Variants in PRKG1 observed in about 807,000 individuals in gnomAD.
The protein encoded by PRKG1 is protein kinase cGMP-dependent 1.
Under a neutral mutation model 88.1 loss-of-function variants are expected in PRKG1, and 35 were observed. The observed-to-expected ratio is 0.40, with a 90% CI of 0.30 to 0.53. PRKG1 has a LOEUF of 0.53. Ranked by LOEUF, PRKG1 falls within the 20% of genes least tolerant of loss-of-function variation. The probability of loss-of-function intolerance (pLI) is 0.59; values close to 1 mark genes in which losing one functional copy is unlikely to be tolerated. For missense variants in PRKG1, 540 were observed against 839.8 expected (o/e 0.64, Z 4.41); for synonymous variants, 303 against 292.5 (o/e 1.04, Z -0.37).
chr10:51,823,040 A>G (rs1839789726), intron 4 of PRKG1, among the ~76,000 whole-genome samples: 2 of 152,060 alleles, frequency 1.3e-5, no homozygotes, highest in South Asian at 4.2e-4. Flanking sequence ...ACAAGGTTAC[A>G]GTGGAGTTTT....
intron 5 of PRKG1, among the ~76,000 whole-genome samples, chr10:51,965,431 A>C (rs912567069): frequency 1.3e-5 from 2 of 152,190 alleles, no homozygotes; most frequent in Non-Finnish European, 2.9e-5. Context: ...TCTTATGGAA[A>C]GCTCAAATTG....
At chr10:51,328,302 A>G (rs543352348) in intron 2 of PRKG1, among the ~76,000 whole-genome samples, 31 of 152,208 alleles carry the variant, frequency 2.0e-4, no homozygotes, top group Middle Eastern at 3.2e-3. Context: ...CTCAAGTGAC[A>G]AGATTTCCTT....
chr10:52,064,562 G>C (rs1846312201), intron 7 of PRKG1, among the ~76,000 whole-genome samples: 1 of 152,200 alleles, frequency 6.6e-6, no homozygotes, highest in Non-Finnish European at 1.5e-5. Flanking sequence ...GGCAGCTGTA[G>C]CTGCACCGGG....
intron 3 of PRKG1, among the ~76,000 whole-genome samples, chr10:51,470,875 A>C (rs1564512336): frequency 2.0e-5 from 3 of 151,934 alleles, no homozygotes; most frequent in African/African-American, 7.2e-5. Flanking sequence ...CTGGGAAAAA[A>C]TAAATTGGCA....
intron 4 of PRKG1, among the ~76,000 whole-genome samples, chr10:51,842,939 T>TA (rs1470731833): frequency 6.6e-6 from 1 of 152,006 alleles, no homozygotes; most frequent in East Asian, 1.9e-4. Flanking sequence ...TCTATTTTCA[T>TA]AAAAAAATAG....
chr10:51,433,620 C>T (rs1283666649), intron 2 of PRKG1, among the ~76,000 whole-genome samples: 1 of 139,694 alleles, frequency 7.2e-6, no homozygotes, highest in Non-Finnish European at 1.6e-5. Flanking sequence ...TACTAGACAC[C>T]AGCAATAGGG....
At chr10:51,056,382 TC>T (rs56249519) in intron 1 of PRKG1, among the ~76,000 whole-genome samples, 115,008 of 152,096 alleles carry the variant, frequency 0.76, 44,509 homozygotes, top group Non-Finnish European at 0.84. Context: ...GAGCTTGATC[TC>T]CCTTTACTGT....
At chr10:51,119,550 C>T (rs1294893431) in intron 1 of PRKG1, among the ~76,000 whole-genome samples, 1 of 151,818 alleles carries the variant, frequency 6.6e-6, no homozygotes, top group East Asian at 1.9e-4. Context: ...AAATTTTTGG[C>T]AAAACAAAAA....
chr10:51,627,896 TTCCTTCC>T (rs1839380587), intron 3 of PRKG1, among the ~76,000 whole-genome samples: 1 of 139,032 alleles, frequency 7.2e-6, no homozygotes, highest in African/African-American at 2.6e-5. Flanking sequence ...CTTCCTTCCC[TTCCTTCC>T]CTTCCTTCCC....
intron 3 of PRKG1, among the ~76,000 whole-genome samples, chr10:51,750,869 T>C (rs1011140768): frequency 3.3e-5 from 5 of 150,308 alleles, no homozygotes; most frequent in Non-Finnish European, 5.9e-5. Context: ...ATATTTTCAA[T>C]TGCTGCTTTT....
At chr10:51,972,304 A>T (rs183184264) in intron 5 of PRKG1, among the ~76,000 whole-genome samples, 107 of 152,306 alleles carry the variant, frequency 7.0e-4, no homozygotes, top group African/African-American at 2.5e-3. Context: ...AATATGCAAT[A>T]ATTAACTTAA....
At chr10:51,841,676 T>TTTATCTC (rs1840278765) in intron 4 of PRKG1, among the ~76,000 whole-genome samples, 1 of 151,944 alleles carries the variant, frequency 6.6e-6, no homozygotes, top group Non-Finnish European at 1.5e-5. Flanking sequence ...CAAAATATGG[T>TTTATCTC]TTTTATGTGT....
At chr10:51,837,104 G>C (rs1049442532) in intron 4 of PRKG1, among the ~76,000 whole-genome samples, 2 of 152,092 alleles carry the variant, frequency 1.3e-5, no homozygotes, top group Non-Finnish European at 2.9e-5. Flanking sequence ...TTGAGGCTTG[G>C]GGCCTAACTG....
chr10:51,370,677 CT>C (rs1842686636), intron 2 of PRKG1, among the ~76,000 whole-genome samples: 1 of 151,726 alleles, frequency 6.6e-6, no homozygotes, highest in Non-Finnish European at 1.5e-5. Flanking sequence ...AAAAATAAAT[CT>C]AAAAAAAGGT....
chr10:51,580,680 C>T (rs971597433), intron 3 of PRKG1, among the ~76,000 whole-genome samples: 2 of 151,652 alleles, frequency 1.3e-5, no homozygotes, highest in South Asian at 4.2e-4. Flanking sequence ...ATTTGAGGGG[C>T]AGCTATTTTT....
chr10:52,109,772 T>TAAAAAAAGATGAAAC (rs1847513125), intron 7 of PRKG1, among the ~76,000 whole-genome samples: 11 of 150,080 alleles, frequency 7.3e-5, no homozygotes, highest in African/African-American at 2.5e-4. Context: ...CAAAAAAAAA[T>TAAAAAAAGATGAAAC]CTTATCTCAA....
chr10:51,387,310 A>G (rs921211011), intron 2 of PRKG1, among the ~76,000 whole-genome samples: 4 of 149,114 alleles, frequency 2.7e-5, no homozygotes, highest in Non-Finnish European at 5.9e-5. Context: ...TTTTATATAT[A>G]TACATATAAA....
At chr10:51,901,547 G>T (rs1373583913) in intron 4 of PRKG1, among the ~76,000 whole-genome samples, 1 of 152,152 alleles carries the variant, frequency 6.6e-6, no homozygotes, top group Non-Finnish European at 1.5e-5. Context: ...CTTAATTATT[G>T]TGTGATCTTC....
chr10:51,904,583 A>T (rs1252171476), intron 4 of PRKG1, among the ~76,000 whole-genome samples: 1 of 152,158 alleles, frequency 6.6e-6, no homozygotes, highest in Non-Finnish European at 1.5e-5. Context: ...AAAGATGGCT[A>T]GAAAAGTGTT....
Sources: allele counts gnomAD v4.1 joint callset (sites outside exome capture counted in the v4.1 genomes callset), GRCh38; gene constraint gnomAD v4.1.1; transcripts MANE v1.5; gene names NCBI Gene and HGNC (gene_info 2026-07-23, HGNC 2026-07-21).